Variants in MACROD2 observed in about 807,000 individuals in gnomAD.
MACROD2 encodes mono-ADP ribosylhydrolase 2.
A neutral mutation model predicts 70.4 loss-of-function variants in MACROD2; 36 were observed. The ratio of observed to expected loss-of-function variants is 0.51; its 90% CI spans 0.39 to 0.68. The LOEUF (loss-of-function observed/expected upper bound fraction) is 0.68. MACROD2 is among the 30% of genes least tolerant of loss of function. The pLI, the probability that MACROD2 is intolerant of heterozygous loss-of-function variation, is 0.00. For missense variants in MACROD2, 496 were observed against 538.4 expected, an observed-to-expected ratio of 0.92 and a Z score of 0.78; for synonymous variants, 172 against 178.8, an observed-to-expected ratio of 0.96 and a Z score of 0.30.
intron 5 of MACROD2, among the ~76,000 whole-genome samples, chr20:14,985,878 A>G (rs550601289): frequency 7.9e-5 from 12 of 152,194 alleles, no homozygotes; most frequent in South Asian, 4.2e-4. Flanking sequence ...GCCTCAAACA[A>G]TCTTTTCACC....
At chr20:14,709,558 T>C (rs2071313183) in intron 5 of MACROD2, among the ~76,000 whole-genome samples, 1 of 152,100 alleles carries the variant, frequency 6.6e-6, no homozygotes, top group Admixed American at 6.5e-5. Flanking sequence ...TCTGAACCCA[T>C]CACAAAGTAG....
intron 8 of MACROD2, among the ~76,000 whole-genome samples, chr20:15,738,046 G>C (rs1335050349): frequency 6.6e-6 from 1 of 152,132 alleles, no homozygotes; most frequent in Non-Finnish European, 1.5e-5. Flanking sequence ...GTTACCAGAG[G>C]CTGGAAAGGG....
chr20:14,016,281 G>A lies in MACROD2; in HGVS notation c.163+13877G>A, dbSNP rs139552293. 4.6e-5 allele frequency among the ~76,000 whole-genome samples: 7 copies of A among 152,246 alleles called. No homozygotes were observed. The East Asian group carries it at 1.4e-3, about 29-fold the overall frequency. On this transcript the variant is annotated intron_variant, in intron 2 of 17. Coordinates refer to ENST00000684519, the MANE Select transcript of MACROD2 (RefSeq NM_001351661.2). ...CATTGTTGAGTTGGATTTCCTTGTT[G>A]TAGGAATTCCTTTGTATGTTCTGGA...
intron 2 of MACROD2, among the ~76,000 whole-genome samples, chr20:14,019,856 G>A (rs6110133): frequency 0.15 from 22,998 of 152,012 alleles, 1,904 homozygotes; most frequent in Admixed American, 0.22. Flanking sequence ...TGTATCCTCC[G>A]AATAATGGCT....
At chr20:14,051,634 CCAT>C (rs1203383241) in intron 2 of MACROD2, among the ~76,000 whole-genome samples, 5 of 151,854 alleles carry the variant, frequency 3.3e-5, no homozygotes, top group African/African-American at 1.2e-4. Context: ...TAGTATCAAC[CCAT>C]CATCTTTTTT....
intron 4 of MACROD2, among the ~76,000 whole-genome samples, chr20:14,582,514 A>C (rs1194663683): frequency 6.6e-6 from 1 of 152,124 alleles, no homozygotes; most frequent in Non-Finnish European, 1.5e-5. Flanking sequence ...CTGTGCAGCA[A>C]ACATTTTATA....
chr20:14,843,619 T>G (rs1327216233), intron 5 of MACROD2, among the ~76,000 whole-genome samples: 1 of 152,098 alleles, frequency 6.6e-6, no homozygotes, highest in African/African-American at 2.4e-5. Flanking sequence ...TTTATTTTTA[T>G]TTTCCTACAA....
chr20:14,892,480 A>G (rs1329301596), intron 5 of MACROD2, among the ~76,000 whole-genome samples: 1 of 152,100 alleles, frequency 6.6e-6, no homozygotes, highest in African/African-American at 2.4e-5. Flanking sequence ...AAAAAATCTA[A>G]TGTAGAATTA....
At chr20:15,302,387 C>CGACAT (rs377570672) in intron 6 of MACROD2, among the ~76,000 whole-genome samples, 3 of 150,450 alleles carry the variant, frequency 2.0e-5, no homozygotes, top group Admixed American at 6.6e-5. Flanking sequence ...CACACATACA[C>CGACAT]ACATACAGAT....
chr20:14,185,660 A>G (rs2081338702), intron 3 of MACROD2, among the ~76,000 whole-genome samples: 1 of 152,178 alleles, frequency 6.6e-6, no homozygotes, highest in Non-Finnish European at 1.5e-5. Context: ...TCTGTAGTAG[A>G]GTAATTCAGA....
chr20:14,995,491 C>T (rs893279697), intron 5 of MACROD2, among the ~76,000 whole-genome samples: 4 of 151,416 alleles, frequency 2.6e-5, no homozygotes, highest in East Asian at 1.9e-4. Flanking sequence ...GCCTAGGCAG[C>T]GAAGTGAGAC....
intron 8 of MACROD2, among the ~76,000 whole-genome samples, chr20:15,857,717 C>T (rs544748074): frequency 2.0e-5 from 3 of 152,150 alleles, no homozygotes; most frequent in Non-Finnish European, 4.4e-5. Flanking sequence ...GCTTAACTAA[C>T]TTTTGACATA....
intron 6 of MACROD2, among the ~76,000 whole-genome samples, chr20:15,353,275 G>T (rs1353442409): frequency 6.6e-6 from 1 of 152,284 alleles, no homozygotes; most frequent in Non-Finnish European, 1.5e-5. Context: ...TTTAATAAAT[G>T]GTGCTGGCAA....
At chr20:16,019,314 T>G (rs2066970500) in intron 15 of MACROD2, among the ~76,000 whole-genome samples, 1 of 152,176 alleles carries the variant, frequency 6.6e-6, no homozygotes, top group Admixed American at 6.5e-5. Flanking sequence ...TAGCCGGGTT[T>G]GCATCTGAGG....
At chr20:14,460,275 G>A (rs2084353158) in intron 3 of MACROD2, among the ~76,000 whole-genome samples, 1 of 152,038 alleles carries the variant, frequency 6.6e-6, no homozygotes, top group Non-Finnish European at 1.5e-5. Flanking sequence ...GGTATTTCTG[G>A]TTCTAGATCC....
intron 8 of MACROD2, among the ~76,000 whole-genome samples, chr20:15,839,876 A>T (rs1463994877): frequency 6.6e-6 from 1 of 152,084 alleles, no homozygotes; most frequent in Non-Finnish European, 1.5e-5. Context: ...ACCACCTGTT[A>T]TCTGTGTAAC....
At chr20:14,323,956 T>C (rs1390998901) in intron 3 of MACROD2, 1 of 152,180 alleles carries the variant, frequency 6.6e-6, no homozygotes, top group East Asian at 1.9e-4. Flanking sequence ...CATGAAACAC[T>C]GAACTCTTTG....
At chr20:14,505,599 A>G (rs555243316) in intron 4 of MACROD2, among the ~76,000 whole-genome samples, 2 of 152,354 alleles carry the variant, frequency 1.3e-5, no homozygotes, top group East Asian at 3.9e-4. Flanking sequence ...AAATTTGAAT[A>G]TGCATCAGAA....
rs574295080 is a variant in MACROD2, at chr20:15,533,546, T to G, written c.645+33699T>G. Reference sequence around the variant, plus strand: ...AACTTTCTGTCTCTGTCTCTGTCGCTCTCTCTCTCTCTCTCTCTCTCTCTC... The same window carrying G: ...AACTTTCTGTCTCTGTCTCTGTCGCGCTCTCTCTCTCTCTCTCTCTCTCTC... On this transcript the variant is annotated intron_variant, in intron 8 of 17. Coordinates refer to ENST00000684519, the MANE Select transcript of MACROD2 (RefSeq NM_001351661.2). Among the ~76,000 whole-genome samples the G allele has an allele frequency of 0.014, 548 of 38,782 alleles. 3 individuals are homozygous for G. In the African/African-American group the frequency reaches 0.14, roughly 10 times the overall value. 25.4% of individuals were successfully genotyped at this position (38,782 alleles called of 152,430 possible). A position where few individuals can be genotyped will look rare whatever the true frequency, so the allele number is the denominator to read the frequency against.
Sources: gnomAD v4.1 joint callset for allele counts (sites outside exome capture counted in the v4.1 genomes callset) on GRCh38, gnomAD v4.1.1 for gene constraint, MANE v1.5 for transcripts, NCBI Gene and HGNC (gene_info 2026-07-23, HGNC 2026-07-21) for gene names.